SORBS3: variants seen among roughly 807,000 people sequenced by gnomAD.
SORBS3 encodes the protein sorbin and SH3 domain containing 3, also known as vinexin.
SORBS3 carries 69 observed loss-of-function variants against 98.0 expected under a neutral mutation model. The ratio of observed to expected loss-of-function variants is 0.70; its 90% CI spans 0.58 to 0.86. The LOEUF (loss-of-function observed/expected upper bound fraction) is 0.86, where lower values mean the gene tolerates loss of function less well. SORBS3 is among the 40% of genes least tolerant of loss of function. The pLI is 0.00. For synonymous variants in SORBS3, 394 were observed against 355.4 expected (o/e 1.11, Z -1.22); for missense variants, 954 against 908.5 (o/e 1.05, Z -0.64).
chr8:22,569,859 A>G (rs1231091832), intron 17 of SORBS3, among the ~76,000 whole-genome samples: 8 of 152,016 alleles, frequency 5.3e-5, no homozygotes, highest in Non-Finnish European at 1.0e-4. Flanking sequence ...GTCCATTTTT[A>G]AAAGATCATC....
intron 10 of SORBS3, 44 bp from the exon 11 acceptor site, chr8:22,565,224 C>G (rs976530201): frequency 3.3e-6 from 5 of 1,510,928 alleles, no homozygotes; most frequent in East Asian, 2.5e-5. Context: ...CTCCCACCCC[C>G]ACGGTGCGCT....
chr8:22,573,995 T>C (rs1434389171), intron 20 of SORBS3, among the ~76,000 whole-genome samples: 1 of 152,150 alleles, frequency 6.6e-6, no homozygotes, highest in East Asian at 1.9e-4. Context: ...GGCAGGGCTC[T>C]GAAGGTCGGC....
chr8:22,560,570 A>G (rs1840271395), intron 5 of SORBS3, among the ~76,000 whole-genome samples: 1 of 152,222 alleles, frequency 6.6e-6, no homozygotes, highest in African/African-American at 2.4e-5. Flanking sequence ...GTTGAGTAAG[A>G]TGAATACTTA....
At chr8:22,545,412 G>A (rs1840006286) in intron 1 of SORBS3, 1 of 152,334 alleles carries the variant, frequency 6.6e-6, no homozygotes, top group Non-Finnish European at 1.5e-5. Flanking sequence ...TTACATTGGG[G>A]TTTGGGACCT....
At chr8:22,570,656 C>G (rs1049722612) in intron 17 of SORBS3, among the ~76,000 whole-genome samples, 1 of 152,120 alleles carries the variant, frequency 6.6e-6, no homozygotes, top group Non-Finnish European at 1.5e-5. Context: ...TTGCTATGAA[C>G]GCCGAAGGGG....
chr8:22,571,060 C>A lies in SORBS3; in HGVS notation c.1582C>A (p.Pro528Thr), dbSNP rs1486434408. 1.9e-6 allele frequency: 3 copies of A among 1,613,042 alleles called. No individual in the cohort carries two copies. The highest frequency in any genetic ancestry group is 2.5e-6 in the Non-Finnish European group (3 of 1,179,812). ...LRLCDDGPQL[P>T]TSPRLTAAAR... ...GCTCTGTGACGACGGCCCCCAGCTC[C>A]CCACGTCTCCCCGCCTGACCGCTGC... The change falls in exon 18 of 21, where the codon CCC becomes ACC. Residue 528 changes from proline to threonine, a missense_variant. Transcript: ENST00000240123.
chr8:22,569,633 T>C (rs1282001778), intron 17 of SORBS3, among the ~76,000 whole-genome samples: 1 of 152,210 alleles, frequency 6.6e-6, no homozygotes, highest in Admixed American at 6.5e-5. Flanking sequence ...CCACCGCGCC[T>C]GGCCTAAAAA....
chr8:22,567,850 T>TTC (rs1388892107), intron 16 of SORBS3, among the ~76,000 whole-genome samples: 36 of 148,732 alleles, frequency 2.4e-4, no homozygotes, highest in Admixed American at 2.1e-3. Flanking sequence ...TTCTCTTTCT[T>TTC]TTTTTTTTTT....
chr8:22,571,341 G>A, intron 18 of SORBS3, 120 bp downstream of exon 18: 1 of 646,914 alleles, frequency 1.5e-6, no homozygotes, highest in Non-Finnish European at 2.6e-6. Flanking sequence ...GGAGTGGGGT[G>A]ACAGGGCAGA....
chr8:22,562,957 A>T (rs1840326365), intron 7 of SORBS3, among the ~76,000 whole-genome samples: 1 of 152,120 alleles, frequency 6.6e-6, no homozygotes, highest in South Asian at 2.1e-4. Context: ...TCTACTAAAA[A>T]CAATACAAAA....
intron 17 of SORBS3, 48 bp downstream of exon 17, chr8:22,569,321 T>G: frequency 6.8e-7 from 1 of 1,478,244 alleles, no homozygotes. Flanking sequence ...GGTGAAGATG[T>G]AGGTAAATAT....
chr8:22,564,310 A>G lies in SORBS3; in HGVS notation c.703A>G (p.Asn235Asp). The G allele has an allele frequency of 3.7e-6, 6 of 1,611,830 alleles. No individual in the cohort carries two copies. The highest frequency in any genetic ancestry group is 5.1e-6 in the Non-Finnish European group (6 of 1,178,796). ...QVLRRREKVDNVWTEESWNQF... is the reference protein window; with the variant it reads ...QVLRRREKVDDVWTEESWNQF... Reference sequence around the variant, plus strand: ...GCTCAGACGCCGGGAAAAAGTAGACAATGTCTGGACGGAAGAGTCCTGGAA... The same window carrying G: ...GCTCAGACGCCGGGAAAAAGTAGACGATGTCTGGACGGAAGAGTCCTGGAA... Residue 235 changes from asparagine to aspartate, a missense_variant, in exon 9 of 21, where the codon AAT becomes GAT. Physicochemically the swap from Asn to Asp is conservative, Grantham distance 23. Coordinates refer to ENST00000240123, the MANE Select transcript of SORBS3 (RefSeq NM_005775.5).
At chr8:22,567,848 C>CTTTTTTT in intron 16 of SORBS3, among the ~76,000 whole-genome samples, 1 of 142,550 alleles carries the variant, frequency 7.0e-6, no homozygotes, top group South Asian at 2.2e-4. Flanking sequence ...TCTTCTCTTT[C>CTTTTTTT]TTTTTTTTTT....
chr8:22,561,565 C>G (rs1840295737), intron 6 of SORBS3, 192 bp downstream of exon 6: 2 of 651,016 alleles, frequency 3.1e-6, no homozygotes, highest in Non-Finnish European at 5.4e-6. Context: ...CCTCAGCTTG[C>G]ACGGGGAACG....
intron 3 of SORBS3, among the ~76,000 whole-genome samples, chr8:22,556,025 C>T (rs986312296): frequency 6.6e-6 from 1 of 152,176 alleles, no homozygotes. Flanking sequence ...GAACCCCATT[C>T]GCAGAGATGT....
chr8:22,554,641 CG>C lies in SORBS3; in HGVS notation c.102+36del, dbSNP rs1563814641. The C allele has an allele frequency of 4.4e-6, 7 of 1,586,854 alleles. No homozygotes were observed. The highest frequency in any genetic ancestry group is 1.8e-5 in the Admixed American group (1 of 57,034). ...AGTCAGTAGGGAGGAGGGTGTCCTG[CG>C]GGCCCGGAGTTGGTTGGGACGCTAG... On this transcript the variant is annotated intron_variant, in intron 2 of 20. Coordinates refer to ENST00000240123, the MANE Select transcript of SORBS3 (RefSeq NM_005775.5). This position sits in a 1 kb window ranked among gnomAD's most constrained non-coding sequence, Gnocchi z 6.5.
At chr8:22,546,492 G>A (rs1840017273) in intron 1 of SORBS3, among the ~76,000 whole-genome samples, 1 of 152,094 alleles carries the variant, frequency 6.6e-6, no homozygotes, top group African/African-American at 2.4e-5. Flanking sequence ...GCTATGGTTG[G>A]CCACAACGTG....
intron 20 of SORBS3, among the ~76,000 whole-genome samples, 193 bp downstream of exon 20, chr8:22,572,639 A>G (rs926870326): frequency 5.3e-5 from 8 of 152,224 alleles, no homozygotes; most frequent in African/African-American, 1.9e-4. Context: ...GCCTTCCTTC[A>G]TGAAGAGGCC....
At chr8:22,565,799 C>A (rs1457101810) in intron 11 of SORBS3, 27 bp from the exon 12 acceptor site, 2 of 1,318,588 alleles carry the variant, frequency 1.5e-6, no homozygotes, top group African/African-American at 1.5e-5. Flanking sequence ...GGGTCGCGGG[C>A]CCTGATTGCG....
Sources: gnomAD v4.1 joint callset for allele counts (sites outside exome capture counted in the v4.1 genomes callset) on GRCh38, gnomAD v4.1.1 for gene constraint, Gnocchi (gnomAD v3.1) non-coding constraint, MANE v1.5 for transcripts, NCBI Gene and HGNC (gene_info 2026-07-23, HGNC 2026-07-21) for gene names.